Variants in MAX observed in about 807,000 individuals in gnomAD.
MAX encodes MYC associated transcriptional regulator X.
Under a neutral mutation model 22.3 loss-of-function variants are expected in MAX, and 3 were observed. The observed-to-expected ratio is 0.13, with a 90% confidence interval of 0.06 to 0.35. The LOEUF is 0.35. MAX is among the 10% of genes least tolerant of loss of function. MAX has a pLI of 1.00. For missense variants in MAX, 119 were observed against 209.4 expected (o/e 0.57, Z 2.66); for synonymous variants, 72 against 77.7 (o/e 0.93, Z 0.39).
chr14:65,061,442 T>A, intron 3 of MAX: 5 of 1,410,910 alleles, frequency 3.5e-6, no homozygotes, highest in Non-Finnish European at 4.7e-6. Context: ...CTCTTGGTAC[T>A]TTCTTGTCAA....
intron 3 of MAX, among the ~76,000 whole-genome samples, chr14:65,081,742 A>G (rs1009999314): frequency 7.2e-5 from 11 of 152,178 alleles, no homozygotes; most frequent in African/African-American, 2.7e-4. Context: ...TAGCAGAATC[A>G]TAATTTTGAG....
At chr14:65,063,078 C>G (rs1039398746) in intron 3 of MAX, among the ~76,000 whole-genome samples, 1 of 152,174 alleles carries the variant, frequency 6.6e-6, no homozygotes, top group African/African-American at 2.4e-5. Context: ...GCGAGAGACC[C>G]TCTCCCATGG....
intron 3 of MAX, among the ~76,000 whole-genome samples, chr14:65,008,428 G>A (rs1176619432): frequency 6.6e-6 from 1 of 152,246 alleles, no homozygotes; most frequent in Non-Finnish European, 1.5e-5. Flanking sequence ...AGCAAGGCTA[G>A]CCCTGGGCCT....
chr14:65,081,719 T>C (rs1051507953), intron 3 of MAX, among the ~76,000 whole-genome samples: 1 of 152,196 alleles, frequency 6.6e-6, no homozygotes, highest in African/African-American at 2.4e-5. Flanking sequence ...TTTTTCCTGA[T>C]AGTTTTTATA....
At chr14:65,072,852 G>C (rs1436145744), downstream of MAX, among the ~76,000 whole-genome samples, 3 of 152,272 alleles carry the variant, frequency 2.0e-5, no homozygotes, top group African/African-American at 4.8e-5. Flanking sequence ...GTCTCGAAGA[G>C]TTTGTCAGTC....
chr14:65,058,523 G>C (rs8007538), intron 3 of MAX, among the ~76,000 whole-genome samples: 34,753 of 152,062 alleles, frequency 0.23, 7,256 homozygotes, highest in African/African-American at 0.56. Context: ...GAGGGCATTC[G>C]TCTCTTGCTC....
At chr14:65,055,298 G>A (rs1184149370) in intron 3 of MAX, among the ~76,000 whole-genome samples, 2 of 152,282 alleles carry the variant, frequency 1.3e-5, no homozygotes, top group South Asian at 2.1e-4. Flanking sequence ...GAGCCTAGAC[G>A]TGAGCCTGGA....
intron 3 of MAX, among the ~76,000 whole-genome samples, chr14:65,008,464 G>T (rs946553194): frequency 6.6e-6 from 1 of 152,232 alleles, no homozygotes; most frequent in Admixed American, 6.5e-5. Context: ...TTGGTCTAGT[G>T]GGGGAGGTGG....
chr14:65,097,594 T>C (rs928319766), intron 2 of MAX, among the ~76,000 whole-genome samples: 1 of 152,210 alleles, frequency 6.6e-6, no homozygotes, highest in African/African-American at 2.4e-5. Flanking sequence ...TTACTACCTT[T>C]ACAAAATGTG....
intron 3 of MAX, among the ~76,000 whole-genome samples, chr14:65,037,741 A>ATTTATTTTTTATTTAT (rs372196330): frequency 1.5e-5 from 2 of 132,718 alleles, no homozygotes; most frequent in African/African-American, 2.9e-5. Flanking sequence ...TTATTTATTT[A>ATTTATTTTTTATTTAT]TTATTTATTT....
intron 2 of MAX, chr14:65,094,351 A>G (rs551325249): frequency 2.5e-4 from 44 of 174,660 alleles, no homozygotes; most frequent in Non-Finnish European, 4.3e-4. Flanking sequence ...ACCAAATCAT[A>G]CAACAGAAGC....
chr14:65,029,593 T>C lies in MAX; in HGVS notation c.172-23309A>G, dbSNP rs2139580968. 6.6e-6 allele frequency among the ~76,000 whole-genome samples: 1 copy of C among 152,336 alleles called. No homozygotes were observed. Among genetic ancestry groups the C allele is most frequent in the Middle Eastern group, 3.4e-3 (1 of 294 alleles). ...GAAAGGAGACCTCCTTTCTAGGTTA[T>C]ATAATCTAGATCATTCTGTGAGGAT... On this transcript the variant is annotated intron_variant, in intron 3 of 3. Transcript: ENST00000341653. This position sits in a 1 kb window ranked among gnomAD's most constrained non-coding sequence, Gnocchi z 4.7.
At chr14:65,053,328 G>C (rs570214325) in intron 3 of MAX, 3 of 1,451,092 alleles carry the variant, frequency 2.1e-6, no homozygotes, top group Admixed American at 2.5e-5. Flanking sequence ...CCTGCGGGGG[G>C]GCTTCTGGAT....
At chr14:65,090,911 C>T (rs185571691) in intron 3 of MAX, among the ~76,000 whole-genome samples, 5 of 152,244 alleles carry the variant, frequency 3.3e-5, no homozygotes, top group African/African-American at 1.2e-4. Context: ...CAAGTATCCC[C>T]TATTATTGGT....
intron 3 of MAX, among the ~76,000 whole-genome samples, chr14:65,008,929 C>A (rs1475090944): frequency 6.6e-6 from 1 of 152,198 alleles, no homozygotes; most frequent in Non-Finnish European, 1.5e-5. Flanking sequence ...TCTCCTGTCA[C>A]CCTCTGCACA....
intron 3 of MAX, among the ~76,000 whole-genome samples, chr14:65,036,786 T>C (rs2062202582): frequency 6.6e-6 from 1 of 151,980 alleles, no homozygotes; most frequent in South Asian, 2.1e-4. Flanking sequence ...CTCAGGTGCC[T>C]GCCACCATGC....
chr14:65,041,400 C>T (rs1034790925), intron 3 of MAX, among the ~76,000 whole-genome samples: 6 of 152,168 alleles, frequency 3.9e-5, no homozygotes, highest in East Asian at 3.8e-4. Flanking sequence ...CTGGACCCCA[C>T]GCTCCTGGCC....
Position 65,054,139 on chromosome 14 carries a change from G to A in MAX, c.171+39569C>T. On this transcript the variant is annotated intron_variant, in intron 3 of 3. Transcript: ENST00000341653. The surrounding 1 kb of genome is among the most constrained non-coding windows in gnomAD (Gnocchi z 4.4). ...TTGTATTTTACTTTTTTGAGACAGG[G>A]TCTCACTCTGTCACCCAGGCTGGAG... is the stretch of plus-strand genomic sequence containing the variant. 6.6e-6 allele frequency among the ~76,000 whole-genome samples: 1 copy of A among 151,868 alleles called. No homozygotes were observed. Among genetic ancestry groups the A allele is most frequent in the Non-Finnish European group, 1.5e-5 (1 of 67,986 alleles).
rs989563946 is a variant in MAX at position 65,084,585 on chromosome 14, A to G, written c.172-6549T>C. ...TCGCACCCCTCAACCCAGAAATCCAACTTCTTGGAGTCTATGGAAATGGCT... is the reference window on the plus strand; with the variant it reads ...TCGCACCCCTCAACCCAGAAATCCAGCTTCTTGGAGTCTATGGAAATGGCT... On this transcript the variant is annotated intron_variant, in intron 3 of 4. Transcript: ENST00000358664. This position sits in a 1 kb window ranked among gnomAD's most constrained non-coding sequence, Gnocchi z 4.3. Among the ~76,000 whole-genome samples the G allele has an allele frequency of 2.0e-5, 3 of 152,180 alleles. No homozygotes were observed. The highest frequency in any genetic ancestry group is 7.2e-5 in the African/African-American group (3 of 41,448).
Sources: allele counts gnomAD v4.1 joint callset (sites outside exome capture counted in the v4.1 genomes callset), GRCh38; gene constraint gnomAD v4.1.1; non-coding constraint Gnocchi (gnomAD v3.1); transcripts MANE v1.5; gene names NCBI Gene and HGNC (gene_info 2026-07-23, HGNC 2026-07-21).